PRKG1: variants seen among roughly 807,000 people sequenced by gnomAD.
PRKG1 encodes protein kinase cGMP-dependent 1, also known as cGMP-dependent protein kinase 1.
Under a neutral mutation model 88.1 loss-of-function variants are expected in PRKG1, and 35 were observed. The ratio of observed to expected loss-of-function variants is 0.40; its 90% confidence interval spans 0.30 to 0.53. The LOEUF (loss-of-function observed/expected upper bound fraction) is 0.53, where lower values mean the gene tolerates loss of function less well. Among genes scored for constraint, PRKG1 ranks in the 20% least tolerant of loss-of-function variants. The pLI is 0.59. For missense variants in PRKG1, 540 were observed against 839.8 expected (o/e 0.64, Z 4.41); for synonymous variants, 303 against 292.5 (o/e 1.04, Z -0.37).
chr10:51,826,995 G>C (rs1273330594), intron 4 of PRKG1, among the ~76,000 whole-genome samples: 1 of 152,130 alleles, frequency 6.6e-6, no homozygotes, highest in African/African-American at 2.4e-5. Flanking sequence ...AGCCTATATT[G>C]TACAGTCCAT....
At chr10:51,720,084 G>A (rs1373406478) in intron 3 of PRKG1, among the ~76,000 whole-genome samples, 1 of 152,132 alleles carries the variant, frequency 6.6e-6, no homozygotes, top group Non-Finnish European at 1.5e-5. Flanking sequence ...ATAGGAGAGA[G>A]GGGCGGGAAA....
chr10:52,238,522 A>G (rs1445382749), intron 9 of PRKG1, among the ~76,000 whole-genome samples: 11 of 152,066 alleles, frequency 7.2e-5, no homozygotes, highest in Admixed American at 3.9e-4. Flanking sequence ...ACATGAACAG[A>G]CACTTCTCAA....
At chr10:51,556,622 A>G (rs919077675) in intron 3 of PRKG1, among the ~76,000 whole-genome samples, 5 of 152,178 alleles carry the variant, frequency 3.3e-5, no homozygotes, top group Middle Eastern at 3.4e-3. Flanking sequence ...ATGCAAGAAC[A>G]GAAAACCAAA....
At chr10:51,945,690 G>T (rs1490364677) in intron 5 of PRKG1, among the ~76,000 whole-genome samples, 6 of 149,520 alleles carry the variant, frequency 4.0e-5, no homozygotes, top group Non-Finnish European at 7.5e-5. Context: ...GTCTGTAAAG[G>T]ATTTTATTTC....
chr10:51,514,964 A>G (rs1329899287), intron 3 of PRKG1, among the ~76,000 whole-genome samples: 1 of 152,130 alleles, frequency 6.6e-6, no homozygotes, highest in Non-Finnish European at 1.5e-5. Context: ...GGGATGTTTA[A>G]CAGCATCCCT....
intron 2 of PRKG1, among the ~76,000 whole-genome samples, chr10:51,170,978 AT>A (rs1846689262): frequency 6.6e-6 from 1 of 152,190 alleles, no homozygotes; most frequent in Admixed American, 6.5e-5. Flanking sequence ...AAGCACACAT[AT>A]CAGCTAGAAA....
At chr10:51,239,710 G>A (rs1393507781) in intron 2 of PRKG1, among the ~76,000 whole-genome samples, 1 of 152,118 alleles carries the variant, frequency 6.6e-6, no homozygotes, top group African/African-American at 2.4e-5. Context: ...GTGGGCTGAG[G>A]AAGTGGTTAC....
chr10:52,253,320 A>G (rs1024183424), intron 10 of PRKG1: 1 of 152,064 alleles, frequency 6.6e-6, no homozygotes, highest in Non-Finnish European at 1.5e-5. Context: ...GAGATATTAC[A>G]TGAAATATAG....
chr10:51,884,758 T>C (rs1475030169), intron 4 of PRKG1, among the ~76,000 whole-genome samples: 2 of 152,174 alleles, frequency 1.3e-5, no homozygotes, highest in Non-Finnish European at 2.9e-5. Flanking sequence ...TGGTTGGCTT[T>C]TAAGGATGAA....
chr10:51,324,475 C>T (rs370474059), intron 2 of PRKG1, among the ~76,000 whole-genome samples: 460 of 150,614 alleles, frequency 3.1e-3, no homozygotes, highest in Admixed American at 5.9e-3. Context: ...GGGCCGGGCG[C>T]GGTGGCTCAC....
chr10:51,791,054 A>G (rs2132582994), intron 3 of PRKG1, among the ~76,000 whole-genome samples: 1 of 152,288 alleles, frequency 6.6e-6, no homozygotes, highest in East Asian at 1.9e-4. Context: ...ACTAGTCTTA[A>G]TTCTGTACTT....
intron 3 of PRKG1, chr10:51,696,244 CATGTTAA>C (rs1841289008): frequency 6.9e-6 from 1 of 144,858 alleles, no homozygotes; most frequent in African/African-American, 2.8e-5. Flanking sequence ...AACTAAAAGG[CATGTTAA>C]ATGCTCTTTA....
intron 3 of PRKG1, among the ~76,000 whole-genome samples, chr10:51,527,523 G>C (rs529374936): frequency 6.6e-6 from 1 of 152,180 alleles, no homozygotes; most frequent in South Asian, 2.1e-4. Context: ...TCTATTTCAA[G>C]GGGAAAAAAA....
At chr10:51,757,754 G>A (rs373337443) in intron 3 of PRKG1, among the ~76,000 whole-genome samples, 28 of 152,198 alleles carry the variant, frequency 1.8e-4, no homozygotes, top group East Asian at 1.2e-3. Flanking sequence ...ATTTTAAAAT[G>A]ATATGTTCTG....
Position 51,461,030 on chromosome 10 carries a change from T to G in PRKG1, c.479-6693T>G, listed in dbSNP as rs192400080. 3.3e-3 allele frequency among the ~76,000 whole-genome samples: 496 copies of G among 152,314 alleles called. 2 individuals carry two copies. Among genetic ancestry groups the G allele is most frequent in the African/African-American group, 0.011 (474 of 41,566 alleles). ...TTTGCATAAATGAGATTTTTAGTTT[T>G]GGATAGCTTATTTATGTTTTTGATT... is the stretch of plus-strand genomic sequence containing the variant. On this transcript the variant is annotated intron_variant, in intron 2 of 17. Coordinates refer to ENST00000373980, the MANE Select transcript of PRKG1 (RefSeq NM_006258.4).
At chr10:52,046,808 T>G (rs939763923) in intron 5 of PRKG1, 4 of 152,266 alleles carry the variant, frequency 2.6e-5, no homozygotes, top group African/African-American at 9.6e-5. Flanking sequence ...TAATGTTGGT[T>G]TAATTAATTA....
intron 5 of PRKG1, among the ~76,000 whole-genome samples, chr10:51,918,333 A>AT (rs11316174): frequency 3.4e-4 from 44 of 128,500 alleles, no homozygotes; most frequent in Admixed American, 1.9e-3. Flanking sequence ...GACTTGACTT[A>AT]TTTTTTTTTT....
At chr10:51,979,611 CTTTT>C (rs71032612) in intron 5 of PRKG1, among the ~76,000 whole-genome samples, 1 of 72,306 alleles carries the variant, frequency 1.4e-5, no homozygotes, top group Non-Finnish European at 2.6e-5. Context: ...TGGTCCTGGG[CTTTT>C]TTTTTTTTTT....
intron 4 of PRKG1, among the ~76,000 whole-genome samples, chr10:51,839,840 G>C (rs1033642660): frequency 3.3e-5 from 5 of 152,156 alleles, no homozygotes; most frequent in Non-Finnish European, 5.9e-5. Context: ...TTGCTCCCCA[G>C]TATTAGTTAC....
Sources: gnomAD v4.1 joint callset for allele counts (sites outside exome capture counted in the v4.1 genomes callset) on GRCh38, gnomAD v4.1.1 for gene constraint, MANE v1.5 for transcripts, NCBI Gene and HGNC (gene_info 2026-07-23, HGNC 2026-07-21) for gene names.